FRMD4A: variants seen among roughly 807,000 people sequenced by gnomAD.
FRMD4A encodes the protein FERM domain containing 4A, also known as FERM domain-containing protein 4A.
Under a neutral mutation model 129.1 loss-of-function variants are expected in FRMD4A, and 29 were observed. That is an observed-to-expected ratio of 0.22 (90% CI 0.17 to 0.31). FRMD4A has a LOEUF of 0.31. Among genes scored for constraint, FRMD4A ranks in the 10% least tolerant of loss-of-function variants. FRMD4A has a pLI of 1.00. For missense variants in FRMD4A, 1,272 were observed against 1,375.8 expected, an observed-to-expected ratio of 0.92 and a Z score of 1.19; for synonymous variants, 634 against 571.6, an observed-to-expected ratio of 1.11 and a Z score of -1.56.
chr10:13,923,058 T>C (rs975446702), intron 2 of FRMD4A, among the ~76,000 whole-genome samples: 1 of 152,164 alleles, frequency 6.6e-6, no homozygotes, highest in African/African-American at 2.4e-5. Context: ...TGTATTTTCC[T>C]GAAGGAAGTA....
chr10:13,814,701 A>T (rs2093512631), intron 3 of FRMD4A, among the ~76,000 whole-genome samples: 1 of 151,990 alleles, frequency 6.6e-6, no homozygotes, highest in Non-Finnish European at 1.5e-5. Context: ...GAAAAAAAAG[A>T]GAGCTAAACT....
intron 2 of FRMD4A, among the ~76,000 whole-genome samples, chr10:13,978,230 T>C (rs930812014): frequency 7.9e-5 from 12 of 152,122 alleles, no homozygotes; most frequent in Non-Finnish European, 1.6e-4. Flanking sequence ...GACGTGGCCT[T>C]TGGGTAGGAT....
chr10:14,326,093 C>T (rs1843262981), intron 2 of FRMD4A: 1 of 152,058 alleles, frequency 6.6e-6, no homozygotes, highest in African/African-American at 2.4e-5. Flanking sequence ...GAGAATAGAA[C>T]CTTGAAAAAA....
intron 2 of FRMD4A, among the ~76,000 whole-genome samples, chr10:14,207,682 G>C (rs1842823820): frequency 1.6e-5 from 2 of 122,366 alleles, no homozygotes; most frequent in South Asian, 5.3e-4. Context: ...ATCATCCTAG[G>C]TAACCACACA....
chr10:14,209,983 C>A, intron 2 of FRMD4A, among the ~76,000 whole-genome samples: 1 of 151,992 alleles, frequency 6.6e-6, no homozygotes, highest in South Asian at 2.1e-4. Context: ...AGGAGAGTGA[C>A]AAAGAGAGAA....
intron 2 of FRMD4A, among the ~76,000 whole-genome samples, chr10:14,018,975 G>A (rs1226434303): frequency 6.6e-6 from 1 of 152,090 alleles, no homozygotes; most frequent in East Asian, 1.9e-4. Context: ...AAGTGTGAGG[G>A]CAGACATTCA....
At chr10:14,248,177 C>T (rs913433523) in intron 2 of FRMD4A, among the ~76,000 whole-genome samples, 4 of 122,800 alleles carry the variant, frequency 3.3e-5, no homozygotes, top group African/African-American at 1.2e-4. Flanking sequence ...TTTTTATTCT[C>T]TCACAACTTT....
At chr10:14,195,752 G>T (rs759293653) in intron 2 of FRMD4A, among the ~76,000 whole-genome samples, 67 of 152,156 alleles carry the variant, frequency 4.4e-4, no homozygotes, top group Admixed American at 7.9e-4. Context: ...GCAGAGCCCA[G>T]GATAAAATTA....
At chr10:13,971,364 C>A (rs1238201550) in intron 2 of FRMD4A, among the ~76,000 whole-genome samples, 3 of 152,190 alleles carry the variant, frequency 2.0e-5, no homozygotes, top group Non-Finnish European at 2.9e-5. Context: ...GTTTCAATAA[C>A]CTCATCTCAA....
At position 13,690,728 on chromosome 10, in the gene FRMD4A, C is replaced by G. The variant is rs531842754; in HGVS notation, c.1117+3170G>C. Among the ~76,000 whole-genome samples the G allele has an allele frequency of 1.9e-3, 290 of 152,306 alleles. 4 individuals are homozygous for G. The highest frequency in any genetic ancestry group is 6.8e-3 in the African/African-American group (281 of 41,572). On this transcript the variant is annotated intron_variant, in intron 15 of 24. Transcript: ENST00000357447. ...GGGCACTGAAGCTGACAATGGGAGC[C>G]GCTCTGCAAGTGGCCCCAGCTGCTA...
chr10:13,767,939 G>C (rs938530414), intron 6 of FRMD4A, among the ~76,000 whole-genome samples: 1 of 152,192 alleles, frequency 6.6e-6, no homozygotes, highest in African/African-American at 2.4e-5. Context: ...GCTGGCAGGA[G>C]GAAGTGTAAG....
chr10:14,298,711 G>C (rs1042619252), intron 2 of FRMD4A, among the ~76,000 whole-genome samples: 2 of 152,174 alleles, frequency 1.3e-5, no homozygotes, highest in African/African-American at 2.4e-5. Context: ...CTGTGTTCGT[G>C]GCCTTTCTAG....
At chr10:14,167,792 G>C (rs941109112) in intron 2 of FRMD4A, among the ~76,000 whole-genome samples, 5 of 152,214 alleles carry the variant, frequency 3.3e-5, no homozygotes, top group Admixed American at 3.3e-4. Context: ...TAGACAGACA[G>C]GGCAGGATGG....
chr10:14,211,480 G>T (rs1361293902), intron 2 of FRMD4A, among the ~76,000 whole-genome samples: 1 of 152,172 alleles, frequency 6.6e-6, no homozygotes, highest in Non-Finnish European at 1.5e-5. Context: ...GAAGACAGAG[G>T]TTCAGGTATT....
intron 2 of FRMD4A, chr10:14,007,450 T>C (rs2095666066): frequency 6.6e-6 from 1 of 152,444 alleles, no homozygotes. Context: ...GGATTTTCTC[T>C]ACTAGGGGCT....
intron 2 of FRMD4A, among the ~76,000 whole-genome samples, chr10:13,997,431 C>T (rs1440147517): frequency 6.6e-6 from 1 of 152,088 alleles, no homozygotes; most frequent in Admixed American, 6.5e-5. Context: ...TTCATCACTT[C>T]CTCTGCTGTG....
intron 2 of FRMD4A, among the ~76,000 whole-genome samples, chr10:13,983,383 C>A (rs952029523): frequency 2.6e-5 from 4 of 151,980 alleles, no homozygotes; most frequent in Admixed American, 2.6e-4. Flanking sequence ...TGCCCTTTAA[C>A]GCTTCAATAG....
At chr10:14,241,123 T>TGAGCTGGTTTA (rs1844027800) in intron 2 of FRMD4A, among the ~76,000 whole-genome samples, 2 of 152,238 alleles carry the variant, frequency 1.3e-5, no homozygotes, top group African/African-American at 4.8e-5. Context: ...GAGCATTGAA[T>TGAGCTGGTTTA]ATCTTCCATC....
intron 2 of FRMD4A, among the ~76,000 whole-genome samples, chr10:13,946,788 G>GTGTC (rs138383336): frequency 4.9e-4 from 74 of 152,238 alleles, no homozygotes; most frequent in Admixed American, 2.0e-3. Context: ...TTCTGTCTGT[G>GTGTC]TGTCTGTCTG....
Sources: gnomAD v4.1 joint callset for allele counts (sites outside exome capture counted in the v4.1 genomes callset) on GRCh38, gnomAD v4.1.1 for gene constraint, MANE v1.5 for transcripts, NCBI Gene and HGNC (gene_info 2026-07-23, HGNC 2026-07-21) for gene names.